The following CACNA1C variants were observed in gnomAD, a reference collection of about 807,000 sequenced individuals.
The protein encoded by CACNA1C is calcium voltage-gated channel subunit alpha1 C, also known as voltage-dependent L-type calcium channel subunit alpha-1C.
Under a neutral mutation model 229.0 loss-of-function variants are expected in CACNA1C, and 30 were observed. That is an observed-to-expected ratio of 0.13 (90% CI 0.10 to 0.18). The LOEUF (loss-of-function observed/expected upper bound fraction) is 0.18. Among genes scored for constraint, CACNA1C ranks in the 10% least tolerant of loss-of-function variants. The probability of loss-of-function intolerance (pLI) is 1.00; values close to 1 mark genes in which losing one functional copy is unlikely to be tolerated. For synonymous variants in CACNA1C, 1,114 were observed against 1,132.5 expected (o/e 0.98, Z 0.33); for missense variants, 1,658 against 2,845.0 (o/e 0.58, Z 9.49).
At position 2,633,762 on chromosome 12, in the gene CACNA1C, T is replaced by C. The variant is rs750602894; in HGVS notation, c.3829-535T>C. ...GGAAACCTCCTCATTCCTCCTCCTC[T>C]GCCTCGTCTATTTCTCTCTCTCTCA... is the stretch of plus-strand genomic sequence containing the variant. On this transcript the variant is annotated intron_variant, in intron 29 of 46. Coordinates refer to ENST00000399655, the MANE Select transcript of CACNA1C (RefSeq NM_000719.7). The surrounding 1 kb of genome is among the most constrained non-coding windows in gnomAD (Gnocchi z 5.8). 2.1e-6 allele frequency: 2 copies of C among 969,294 alleles called. No homozygotes were observed. Among genetic ancestry groups the C allele is most frequent in the Admixed American group, 3.5e-5 (2 of 57,172 alleles). 60.0% of individuals were successfully genotyped at this position (969,294 alleles called of 1,614,324 possible).
At chr12:2,611,274 G>A (rs1365137741) in intron 28 of CACNA1C, among the ~76,000 whole-genome samples, 22 of 111,062 alleles carry the variant, frequency 2.0e-4, no homozygotes, top group Non-Finnish European at 2.9e-4. Flanking sequence ...AGCTGGATGC[G>A]TTCATTTTTG....
At chr12:2,435,331 T>C (rs757980381) in intron 3 of CACNA1C, among the ~76,000 whole-genome samples, 1 of 152,168 alleles carries the variant, frequency 6.6e-6, no homozygotes, top group Non-Finnish European at 1.5e-5. Context: ...GCACACACAA[T>C]CTGTGTTGTA....
intron 3 of CACNA1C, among the ~76,000 whole-genome samples, chr12:2,382,533 A>G (rs571782688): frequency 2.0e-5 from 3 of 152,314 alleles, no homozygotes; most frequent in African/African-American, 7.2e-5. Context: ...ACTTCTCTAA[A>G]TTGGCAATTC....
intron 3 of CACNA1C, among the ~76,000 whole-genome samples, chr12:2,240,166 G>C (rs1400338023): frequency 6.6e-6 from 1 of 152,148 alleles, no homozygotes; most frequent in African/African-American, 2.4e-5. Context: ...CAGGATGGTC[G>C]CTCTTTGCTT....
intron 34 of CACNA1C, among the ~76,000 whole-genome samples, chr12:2,663,158 T>C (rs1004346558): frequency 1.3e-5 from 2 of 152,096 alleles, no homozygotes; most frequent in Non-Finnish European, 2.9e-5. Flanking sequence ...AAAACTTAGA[T>C]TCACCAAAAT....
At chr12:2,075,598 T>A (rs775519695) in intron 1 of CACNA1C, among the ~76,000 whole-genome samples, 7 of 152,254 alleles carry the variant, frequency 4.6e-5, no homozygotes, top group Non-Finnish European at 7.3e-5. Flanking sequence ...GGAGGCTTTG[T>A]TGCTGGGCTT....
chr12:2,475,401 A>G (rs1221920087), intron 5 of CACNA1C, among the ~76,000 whole-genome samples: 1 of 152,260 alleles, frequency 6.6e-6, no homozygotes, highest in African/African-American at 2.4e-5. Context: ...GGGAGAAACT[A>G]TAGACCATAG....
At chr12:2,452,335 A>T (rs1035900451) in intron 4 of CACNA1C, among the ~76,000 whole-genome samples, 3 of 152,108 alleles carry the variant, frequency 2.0e-5, no homozygotes, top group African/African-American at 7.2e-5. Flanking sequence ...ACGTGCCCCT[A>T]CCGAGGGACC....
intron 38 of CACNA1C, among the ~76,000 whole-genome samples, chr12:2,670,442 T>G (rs1304169158): frequency 6.6e-6 from 1 of 152,194 alleles, no homozygotes; most frequent in Non-Finnish European, 1.5e-5. Context: ...ATTCATTGAA[T>G]AACCCAGACA....
chr12:2,606,971 C>T lies in CACNA1C; in HGVS notation c.3210-13C>T, dbSNP rs762235690. 6.2e-7 allele frequency: 1 copy of T among 1,613,030 alleles called. No homozygotes were observed. The highest frequency in any genetic ancestry group is 8.5e-7 in the Non-Finnish European group (1 of 1,179,084). On this transcript the variant is annotated splice_polypyrimidine_tract_variant and intron_variant, in intron 25 of 46. Transcript: ENST00000399655. ...GGAGATCCCAGAGTAAACTCCTTCT[C>T]CTCCTCTCTCAGGGGCAACTACATC...
At chr12:2,361,159 G>A (rs940874363) in intron 3 of CACNA1C, among the ~76,000 whole-genome samples, 4 of 151,048 alleles carry the variant, frequency 2.6e-5, no homozygotes, top group Non-Finnish European at 2.9e-5. Context: ...TCCAGATTGC[G>A]GTGGTACTTT....
chr12:2,542,433 G>A (rs150807327), intron 9 of CACNA1C, among the ~76,000 whole-genome samples: 2 of 152,346 alleles, frequency 1.3e-5, no homozygotes, highest in Non-Finnish European at 2.9e-5. Flanking sequence ...AGTGAGGCTT[G>A]TGTGCTCTGA....
chr12:2,242,537 C>G (rs2070953493), intron 3 of CACNA1C, among the ~76,000 whole-genome samples: 1 of 152,216 alleles, frequency 6.6e-6, no homozygotes, highest in South Asian at 2.1e-4. Flanking sequence ...CCTACTGTTT[C>G]TTAAATGATG....
In CACNA1C at chr12:2,034,627, G is replaced by T. The variant is rs142721069; in HGVS notation, c.139+63426G>T. ...AAGAGAAGGCCAGTGTAATATGCTG[G>T]TTCAATATCCGACGACTTTGAAATA... On this transcript the variant is annotated intron_variant, in intron 1 of 46. Coordinates refer to the CACNA1C transcript ENST00000682462. The surrounding 1 kb of genome is among the most constrained non-coding windows in gnomAD (Gnocchi z 4.1). Among the ~76,000 whole-genome samples, 917 of 152,204 alleles carry T rather than the reference G, an allele frequency of 6.0e-3. 18 individuals are homozygous for T. Among genetic ancestry groups the T allele is most frequent in the African/African-American group, 0.02 (850 of 41,514 alleles).
intron 3 of CACNA1C, among the ~76,000 whole-genome samples, chr12:2,176,959 G>A (rs2096664025): frequency 6.6e-6 from 1 of 152,196 alleles, no homozygotes. Flanking sequence ...CATTTGTGGT[G>A]GGATCGGCCA....
At chr12:2,625,499 G>A (rs1310374612) in intron 29 of CACNA1C, among the ~76,000 whole-genome samples, 1 of 152,198 alleles carries the variant, frequency 6.6e-6, no homozygotes, top group Non-Finnish European at 1.5e-5. Flanking sequence ...TGCCTTAGGG[G>A]CAGGAAGGAC....
At chr12:2,097,141 A>C (rs1193735925) in intron 1 of CACNA1C, among the ~76,000 whole-genome samples, 1 of 151,886 alleles carries the variant, frequency 6.6e-6, no homozygotes, top group Non-Finnish European at 1.5e-5. Flanking sequence ...TTAATTTTTA[A>C]ATTTTTATTT....
Position 2,410,565 on chromosome 12 carries a change from T to C in CACNA1C, c.478-38411T>C, listed in dbSNP as rs77450853. On this transcript the variant is annotated intron_variant, in intron 3 of 46. Transcript: ENST00000399655. The surrounding 1 kb of genome is among the most constrained non-coding windows in gnomAD (Gnocchi z 5.3). ...TGGAGTAAAAAGCATCTGGACCCTG[T>C]GCATGTGCGTGTGCATGCGTGTGTG... Among the ~76,000 whole-genome samples the C allele has an allele frequency of 2.8e-3, 426 of 152,334 alleles. 2 individuals carry two copies. The highest frequency in any genetic ancestry group is 4.8e-3 in the Non-Finnish European group (329 of 68,038).
intron 3 of CACNA1C, among the ~76,000 whole-genome samples, chr12:2,295,278 T>C (rs548023980): frequency 6.6e-6 from 1 of 152,342 alleles, no homozygotes; most frequent in East Asian, 1.9e-4. Flanking sequence ...TTGTTTCTTA[T>C]TCATGTCATG....
Sources: allele counts gnomAD v4.1 joint callset (sites outside exome capture counted in the v4.1 genomes callset), GRCh38; gene constraint gnomAD v4.1.1; non-coding constraint Gnocchi (gnomAD v3.1); transcripts MANE v1.5; gene names NCBI Gene and HGNC (gene_info 2026-07-23, HGNC 2026-07-21).